Variants in ANO3 observed in about 807,000 individuals in gnomAD.
ANO3 encodes the protein anoctamin 3.
In ANO3, 99 loss-of-function variants were observed where a neutral mutation model predicts 144.8. That is an observed-to-expected ratio of 0.68 (90% CI 0.58 to 0.81). The LOEUF is 0.81. Ranked by LOEUF, ANO3 falls within the 30% of genes least tolerant of loss-of-function variation. The pLI is 0.00. For synonymous variants in ANO3, 414 were observed against 392.6 expected, an observed-to-expected ratio of 1.05 and a Z score of -0.64; for missense variants, 905 against 1,202.2, an observed-to-expected ratio of 0.75 and a Z score of 3.66.
intron 4 of ANO3, among the ~76,000 whole-genome samples, chr11:26,502,618 GGTACC>G (rs1565065269): frequency 6.6e-6 from 1 of 151,924 alleles, no homozygotes; most frequent in Non-Finnish European, 1.5e-5. Context: ...CGTGTCTGTT[GGTACC>G]TATCAGGCTT....
At chr11:26,358,459 C>T (rs543901113) in intron 1 of ANO3, among the ~76,000 whole-genome samples, 4 of 152,116 alleles carry the variant, frequency 2.6e-5, no homozygotes, top group Admixed American at 6.6e-5. Flanking sequence ...CATAAGCCAC[C>T]GCGCCCGGCC....
chr11:26,628,071 T>C (rs1051967370), intron 18 of ANO3, among the ~76,000 whole-genome samples: 1 of 152,210 alleles, frequency 6.6e-6, no homozygotes, highest in Admixed American at 6.5e-5. Context: ...TTTTTTAACA[T>C]GGGAAAAATT....
intron 1 of ANO3, among the ~76,000 whole-genome samples, chr11:26,322,451 G>T (rs987700164): frequency 6.6e-6 from 1 of 151,796 alleles, no homozygotes. Flanking sequence ...ATCTCATATT[G>T]GTTAGTCCAT....
chr11:26,339,496 C>A (rs1855294812), intron 1 of ANO3, among the ~76,000 whole-genome samples: 1 of 152,144 alleles, frequency 6.6e-6, no homozygotes, highest in Non-Finnish European at 1.5e-5. Context: ...CACAAAGAAG[C>A]CTAATTGTTG....
chr11:26,337,330 A>G (rs1006668018), intron 1 of ANO3, among the ~76,000 whole-genome samples: 4 of 152,218 alleles, frequency 2.6e-5, no homozygotes, highest in Admixed American at 6.5e-5. Context: ...TATATCCTCT[A>G]CTTAGTAAGG....
At chr11:26,238,358 T>C (rs1185940643) in intron 1 of ANO3, among the ~76,000 whole-genome samples, 5 of 152,150 alleles carry the variant, frequency 3.3e-5, no homozygotes, top group African/African-American at 1.2e-4. Context: ...CATACACTTA[T>C]TTTGAAATAT....
At chr11:26,467,355 T>C (rs569508335) in intron 4 of ANO3, among the ~76,000 whole-genome samples, 2 of 152,108 alleles carry the variant, frequency 1.3e-5, no homozygotes, top group African/African-American at 4.8e-5. Flanking sequence ...AGTCACCCTA[T>C]TGTGCTATCA....
At chr11:26,215,475 A>ACATTCC in intron 1 of ANO3, among the ~76,000 whole-genome samples, 1 of 151,960 alleles carries the variant, frequency 6.6e-6, no homozygotes, top group East Asian at 1.9e-4. Flanking sequence ...CCCTATTGGG[A>ACATTCC]CATTCCTTAC....
chr11:26,332,328 TG>T lies in ANO3; in HGVS notation c.46+9del. On this transcript the variant is annotated splice_region_variant and intron_variant, in intron 1 of 26. Transcript: ENST00000256737. ...TCCTTTAAACAGCAAAAAGGTCAGT[TG>T]GAATCTTGCTCCCCTCTCCCTGCGG... 1 of 1,613,724 alleles carries T rather than the reference TG, an allele frequency of 6.2e-7. No individual in the cohort carries two copies. The highest frequency in any genetic ancestry group is 8.5e-7 in the Non-Finnish European group (1 of 1,179,974).
intron 4 of ANO3, among the ~76,000 whole-genome samples, chr11:26,463,397 T>C (rs958071356): frequency 7.2e-5 from 11 of 151,900 alleles, no homozygotes; most frequent in African/African-American, 2.4e-4. Context: ...TATTCATTAA[T>C]AGTCCCTTTA....
chr11:26,629,964 T>C (rs1852723636), intron 18 of ANO3, among the ~76,000 whole-genome samples: 2 of 152,318 alleles, frequency 1.3e-5, no homozygotes, highest in South Asian at 2.1e-4. Flanking sequence ...GAATTTCCAA[T>C]GGGATTTTAA....
At chr11:26,439,583 A>G (rs1858438816) in intron 1 of ANO3, among the ~76,000 whole-genome samples, 1 of 152,244 alleles carries the variant, frequency 6.6e-6, no homozygotes, top group African/African-American at 2.4e-5. Flanking sequence ...AAAAAGAGCT[A>G]AACTGTATAC....
chr11:26,439,982 A>G (rs1006539084), intron 1 of ANO3, among the ~76,000 whole-genome samples: 1 of 152,214 alleles, frequency 6.6e-6, no homozygotes, highest in South Asian at 2.1e-4. Flanking sequence ...AAATAAAGGC[A>G]CCAACCACAA....
chr11:26,490,846 A>G (rs182196932), intron 4 of ANO3, among the ~76,000 whole-genome samples: 1 of 152,354 alleles, frequency 6.6e-6, no homozygotes, highest in East Asian at 1.9e-4. Flanking sequence ...CAGTATTGCC[A>G]CACTGGAAAA....
intron 1 of ANO3, among the ~76,000 whole-genome samples, chr11:26,216,413 G>T (rs1050261902): frequency 6.6e-6 from 1 of 151,786 alleles, no homozygotes; most frequent in Non-Finnish European, 1.5e-5. Context: ...ATCATACTAT[G>T]CATTTAAGGT....
chr11:26,492,976 G>A (rs905118380), intron 4 of ANO3, among the ~76,000 whole-genome samples: 1 of 152,132 alleles, frequency 6.6e-6, no homozygotes, highest in African/African-American at 2.4e-5. Context: ...GAAAGAAAAA[G>A]CTAAGGTAAA....
intron 5 of ANO3, among the ~76,000 whole-genome samples, chr11:26,510,665 A>C (rs1861629425): frequency 6.6e-6 from 1 of 152,142 alleles, no homozygotes; most frequent in African/African-American, 2.4e-5. Context: ...TAAGTAACAA[A>C]CTAACAAACT....
At chr11:26,267,202 A>ACACC (rs1853335169) in intron 1 of ANO3, among the ~76,000 whole-genome samples, 1 of 151,508 alleles carries the variant, frequency 6.6e-6, no homozygotes, top group African/African-American at 2.4e-5. Flanking sequence ...ACACACACAC[A>ACACC]CCCCCAAAAT....
At position 26,501,544 on chromosome 11, in the gene ANO3, CAAAACAACATTTTA is replaced by C. The variant is rs564110639; in HGVS notation, c.433-6558_433-6545del. On this transcript the variant is annotated intron_variant, in intron 4 of 26. Coordinates refer to ENST00000256737, the MANE Select transcript of ANO3 (RefSeq NM_031418.4). ...TGTTTTGCCATGTTACAGAGCATGG[CAAAACAACATTTTA>C]AGCATAGGCCAGGAATCAGTAATCA... Among the ~76,000 whole-genome samples the C allele has an allele frequency of 1.2e-4, 18 of 151,634 alleles. No homozygotes were observed. In the East Asian group the frequency reaches 3.3e-3, roughly 28 times the overall value.
Sources: gnomAD v4.1 joint callset for allele counts (sites outside exome capture counted in the v4.1 genomes callset) on GRCh38, gnomAD v4.1.1 for gene constraint, MANE v1.5 for transcripts, NCBI Gene and HGNC (gene_info 2026-07-23, HGNC 2026-07-21) for gene names.